Variants in CD36 observed in about 807,000 individuals in gnomAD.
CD36 encodes CD36 molecule (CD36 blood group), also known as platelet glycoprotein 4.
A neutral mutation model predicts 55.2 loss-of-function variants in CD36; 119 were observed. The observed-to-expected ratio is 2.15, with a 90% CI of 1.86 to 2.51. The LOEUF (loss-of-function observed/expected upper bound fraction) is 2.51, where lower values mean the gene tolerates loss of function less well. CD36 is among the 30% of genes most tolerant of loss of function. The pLI is 0.00. For missense variants in CD36, 819 were observed against 555.5 expected (o/e 1.47, Z -4.77); for synonymous variants, 186 against 193.6 (o/e 0.96, Z 0.33).
intron 1 of CD36, among the ~76,000 whole-genome samples, chr7:80,630,351 T>C (rs1794005614): frequency 6.6e-6 from 1 of 152,006 alleles, no homozygotes; most frequent in African/African-American, 2.4e-5. Context: ...CTTTGTGGAA[T>C]TGTATGAAGT....
chr7:80,664,884 G>A (rs1056327818), intron 7 of CD36, among the ~76,000 whole-genome samples: 1 of 148,814 alleles, frequency 6.7e-6, no homozygotes, highest in Non-Finnish European at 1.5e-5. Context: ...TCAACTGATT[G>A]TGTAGTAGAT....
chr7:80,622,147 C>T (rs12667404), intron 1 of CD36, among the ~76,000 whole-genome samples: 47,799 of 152,096 alleles, frequency 0.31, 7,963 homozygotes, highest in South Asian at 0.45. Context: ...GGGGGACCAC[C>T]CCTGCATCTC....
At position 80,671,942 on chromosome 7, in the gene CD36, C is replaced by G; in HGVS notation, c.1027C>G (p.Leu343Val). The change falls in exon 11 of 15, where the codon CTT becomes GTT. Residue 343 changes from leucine to valine, a missense_variant. By Grantham distance (32) the Leu-to-Val change is conservative. Transcript: ENST00000447544. ...TTCAGGGAGACCTGTGTACATTTCA[C>G]TTCCTCATTTTCTGTATGCAAGTCC... ...CKEGRPVYISLPHFLYASPDV... is the reference protein window; with the variant it reads ...CKEGRPVYISVPHFLYASPDV... 6.2e-7 allele frequency: 1 copy of G among 1,611,422 alleles called. No individual in the cohort carries two copies. The highest frequency in any genetic ancestry group is 8.5e-7 in the Non-Finnish European group (1 of 1,178,144).
intron 5 of CD36, among the ~76,000 whole-genome samples, chr7:80,661,771 C>T (rs762473188): frequency 6.6e-6 from 1 of 152,114 alleles, no homozygotes; most frequent in Non-Finnish European, 1.5e-5. Context: ...TTGATGGAAT[C>T]ACAACTGTCA....
At chr7:80,653,759 A>G (rs1018151176) in intron 3 of CD36, among the ~76,000 whole-genome samples, 1 of 152,186 alleles carries the variant, frequency 6.6e-6, no homozygotes, top group Non-Finnish European at 1.5e-5. Context: ...TTCTTGTGAC[A>G]TATTTAGTCT....
chr7:80,661,677 C>A, intron 5 of CD36, among the ~76,000 whole-genome samples: 1 of 151,746 alleles, frequency 6.6e-6, no homozygotes, highest in African/African-American at 2.4e-5. Context: ...TAACCTTTAA[C>A]CAAACAAAAA....
At chr7:80,630,294 G>A (rs1180057981) in intron 1 of CD36, among the ~76,000 whole-genome samples, 4 of 151,918 alleles carry the variant, frequency 2.6e-5, no homozygotes, top group Non-Finnish European at 5.9e-5. Flanking sequence ...GAGTAGAAGA[G>A]CTAATGAACT....
chr7:80,653,459 G>A (rs3212001), intron 3 of CD36, among the ~76,000 whole-genome samples: 2,106 of 152,294 alleles, frequency 0.014, 22 homozygotes, highest in South Asian at 0.025. Context: ...TAGCAGAATA[G>A]AAGTTTCAAG....
chr7:80,671,559 AAATGGTACAGGTAAATGTAT>A (rs1184793145), intron 10 of CD36, among the ~76,000 whole-genome samples: 3 of 152,106 alleles, frequency 2.0e-5, no homozygotes, highest in Admixed American at 6.5e-5. Context: ...TTTCACTAGA[AAATGGTACAGGTAAATGTAT>A]TTTCAGTATG....
chr7:80,659,273 A>G (rs979126919), intron 4 of CD36, among the ~76,000 whole-genome samples: 1 of 152,158 alleles, frequency 6.6e-6, no homozygotes, highest in Non-Finnish European at 1.5e-5. Context: ...TCCCTCCTCA[A>G]ACAGAACCAC....
In CD36 at chr7:80,627,573, G is replaced by T. The variant is rs17154186; in HGVS notation, c.-183-18515G>T. On this transcript the variant is annotated intron_variant, in intron 1 of 13. Transcript: ENST00000309881. ...TCAAACTCTTATCAAGGGATCATGT[G>T]TGTTAGCCTTTAAGGAGATAGTAGA... is the stretch of plus-strand genomic sequence containing the variant. 8.5e-3 allele frequency among the ~76,000 whole-genome samples: 1,290 copies of T among 151,748 alleles called. 60 individuals carry two copies. The East Asian group carries it at 0.11, about 12-fold the overall frequency.
chr7:80,672,239 A>G (rs1211080203), intron 11 of CD36, among the ~76,000 whole-genome samples, 199 bp downstream of exon 11: 3 of 151,834 alleles, frequency 2.0e-5, no homozygotes, highest in Non-Finnish European at 4.4e-5. Flanking sequence ...AATTTTATAT[A>G]AATATTTATG....
chr7:80,613,462 A>G (rs1385523199), intron 1 of CD36, among the ~76,000 whole-genome samples: 1 of 152,090 alleles, frequency 6.6e-6, no homozygotes, highest in Non-Finnish European at 1.5e-5. Context: ...CATCTAAACC[A>G]AGAAAGATAT....
At chr7:80,673,176 G>A in intron 12 of CD36, 179 bp from the exon 13 acceptor site, 1 of 533,896 alleles carries the variant, frequency 1.9e-6, no homozygotes, top group Non-Finnish European at 3.3e-6. Flanking sequence ...AAATCAATGT[G>A]ATTAGAAGAC....
chr7:80,627,544 G>A (rs760551420), intron 1 of CD36, among the ~76,000 whole-genome samples: 5 of 151,054 alleles, frequency 3.3e-5, no homozygotes, highest in Admixed American at 6.6e-5. Context: ...ACAACCCAAA[G>A]GAATCAAACT....
chr7:80,664,566 A>ACAT, intron 7 of CD36, 69 bp downstream of exon 7: 1 of 879,668 alleles, frequency 1.1e-6, no homozygotes. Flanking sequence ...TATTCATTTA[A>ACAT]CATCTCATAA....
chr7:80,661,227 C>T lies in CD36; in HGVS notation c.429+17C>T. 8 of 1,609,624 alleles carry T rather than the reference C, an allele frequency of 5.0e-6. 1 individual carries two copies. In the South Asian group the frequency reaches 8.8e-5, roughly 18 times the overall value. ...GCTGTGGCAGTGAGTAGACAAACAACAAAGTTATCTATTTTAAAATACTCT... is the reference window on the plus strand; with the variant it reads ...GCTGTGGCAGTGAGTAGACAAACAATAAAGTTATCTATTTTAAAATACTCT... On this transcript the variant is annotated intron_variant, in intron 5 of 14. Coordinates refer to ENST00000447544, the MANE Select transcript of CD36 (RefSeq NM_001001548.3).
rs976190638 is a variant in CD36, at chr7:80,677,920, G to A, written c.*1537G>A. ...TGTCTTTAATATTGTTTGAATACAT[G>A]TATAATCTTTATCATTCCTCAGTGT... On this transcript the variant is annotated 3_prime_UTR_variant, in exon 15 of 15. Transcript: ENST00000447544. 2.6e-5 allele frequency: 4 copies of A among 152,098 alleles called. No homozygotes were observed. The highest frequency in any genetic ancestry group is 9.7e-5 in the African/African-American group (4 of 41,408). The allele number at this position is 152,098 out of a possible 1,614,324, so 9.4% of individuals were successfully genotyped here.
rs376479365 is a variant in CD36, at chr7:80,654,280, T to G, written c.121-2260T>G. ...ATTCTATAAGAGTTTGTTGAGTTTC[T>G]TTCATTAAGAGATATTAGGTCGGTA... On this transcript the variant is annotated intron_variant, in intron 3 of 14. Coordinates refer to ENST00000447544, the MANE Select transcript of CD36 (RefSeq NM_001001548.3). Among the ~76,000 whole-genome samples, 5 of 152,314 alleles carry G rather than the reference T, an allele frequency of 3.3e-5. No homozygotes were observed. In the East Asian group the frequency reaches 9.6e-4, roughly 29 times the overall value.
Sources: allele counts gnomAD v4.1 joint callset (sites outside exome capture counted in the v4.1 genomes callset), GRCh38; gene constraint gnomAD v4.1.1; transcripts MANE v1.5; gene names NCBI Gene and HGNC (gene_info 2026-07-23, HGNC 2026-07-21).